Variants in LMX1B observed in about 807,000 individuals in gnomAD.
The protein encoded by LMX1B is LIM homeobox transcription factor 1-beta.
Under a neutral mutation model 51.4 loss-of-function variants are expected in LMX1B, and 12 were observed. The observed-to-expected ratio is 0.23, with a 90% CI of 0.15 to 0.38. The LOEUF is 0.38. LMX1B is among the 10% of genes least tolerant of loss of function. The pLI is 1.00. For missense variants in LMX1B, 445 were observed against 571.1 expected, an observed-to-expected ratio of 0.78 and a Z score of 2.25; for synonymous variants, 237 against 235.4, an observed-to-expected ratio of 1.01 and a Z score of -0.06.
chr9:126,672,562 C>T (rs975954976), intron 2 of LMX1B, among the ~76,000 whole-genome samples: 3 of 152,090 alleles, frequency 2.0e-5, no homozygotes, highest in African/African-American at 4.8e-5. Context: ...AAATTGGCTG[C>T]GAAGGGACAG....
rs372973403 is a variant in LMX1B, at chr9:126,671,392, G to A, written c.327-19444G>A. ...CCCTCCCCTCCCAGCAGCTGGGCCC[G>A]GGCTCAGCTGGGGCCCCTGGCCTGG... On this transcript the variant is annotated intron_variant, in intron 2 of 7. Transcript: ENST00000373474. This position sits in a 1 kb window ranked among gnomAD's most constrained non-coding sequence, Gnocchi z 4.4. Among the ~76,000 whole-genome samples the A allele has an allele frequency of 2.6e-5, 4 of 151,862 alleles. No homozygotes were observed. The East Asian group carries it at 5.9e-4, about 22-fold the overall frequency.
At chr9:126,678,312 A>AAAC (rs1836607223) in intron 2 of LMX1B, among the ~76,000 whole-genome samples, 1 of 144,984 alleles carries the variant, frequency 6.9e-6, no homozygotes, top group African/African-American at 2.8e-5. Context: ...TTCGTCTCAA[A>AAAC]AAAAAAAAAC....
Position 126,614,075 on chromosome 9 carries a change from T to G in LMX1B, c.-375T>G, listed in dbSNP as rs1484748539. On this transcript the variant is annotated 5_prime_UTR_variant, in exon 1 of 8. Transcript: ENST00000373474. ...CCCCCGCGGCCCGCGGGGCCGCCCC[T>G]GCACCCCCACCCCCTCCCCCGCCTG... 4.8e-5 allele frequency among the ~76,000 whole-genome samples: 1 copy of G among 20,682 alleles called. No homozygotes were observed. The highest frequency in any genetic ancestry group is 1.9e-4 in the African/African-American group (1 of 5,354). The allele number at this position is 20,682 out of a possible 152,430, so 13.6% of individuals were successfully genotyped here.
chr9:126,630,831 G>A (rs1013357149), intron 2 of LMX1B, among the ~76,000 whole-genome samples: 2 of 152,272 alleles, frequency 1.3e-5, no homozygotes, highest in African/African-American at 4.8e-5. Context: ...TCCATGCCAT[G>A]GATGGGAGCG....
At chr9:126,661,888 A>G (rs1436001825) in intron 2 of LMX1B, among the ~76,000 whole-genome samples, 1 of 152,192 alleles carries the variant, frequency 6.6e-6, no homozygotes, top group African/African-American at 2.4e-5. Context: ...AGCCGCCTCA[A>G]TCAGTCATCT....
intron 2 of LMX1B, among the ~76,000 whole-genome samples, chr9:126,688,416 G>T (rs1214512315): frequency 3.9e-5 from 6 of 152,218 alleles, no homozygotes; most frequent in African/African-American, 1.2e-4. Flanking sequence ...GCGCTCCCAC[G>T]CTAGCAGCGA....
intron 2 of LMX1B, among the ~76,000 whole-genome samples, chr9:126,627,161 G>A (rs1022908710): frequency 6.6e-6 from 1 of 152,158 alleles, no homozygotes; most frequent in African/African-American, 2.4e-5. Flanking sequence ...TGGCCTCTGA[G>A]TAGGGACCAG....
chr9:126,624,699 G>C (rs1426986046), intron 2 of LMX1B, among the ~76,000 whole-genome samples: 1 of 151,438 alleles, frequency 6.6e-6, no homozygotes, highest in Non-Finnish European at 1.5e-5. Flanking sequence ...TTGCAGGGGG[G>C]AAATGTGGTT....
In LMX1B at chr9:126,679,065, G is replaced by A. The variant is rs141678465; in HGVS notation, c.327-11771G>A. The stretch of plus-strand genomic sequence containing the variant: ...TGGTACCCTGGAGATCTGACACTCC[G>A]CTCGCATGGAATACCTGCTCTCCCA... On this transcript the variant is annotated intron_variant, in intron 2 of 7. Coordinates refer to ENST00000373474, the MANE Select transcript of LMX1B (RefSeq NM_001174147.2). Among the ~76,000 whole-genome samples, 468 of 152,214 alleles carry A rather than the reference G, an allele frequency of 3.1e-3. 2 individuals are homozygous for A. The highest frequency in any genetic ancestry group is 0.01 in the African/African-American group (418 of 41,490).
chr9:126,629,870 G>A (rs1356538406), intron 2 of LMX1B, among the ~76,000 whole-genome samples: 1 of 151,902 alleles, frequency 6.6e-6, no homozygotes, highest in Non-Finnish European at 1.5e-5. Flanking sequence ...GGTTGGCCGG[G>A]TGTGGTGGCT....
At chr9:126,635,165 G>A (rs760099368) in intron 2 of LMX1B, among the ~76,000 whole-genome samples, 14 of 152,174 alleles carry the variant, frequency 9.2e-5, no homozygotes, top group Admixed American at 6.5e-4. Flanking sequence ...AGGGCCACAC[G>A]GCTGGGGAGC....
chr9:126,682,014 C>T (rs966249634), intron 2 of LMX1B, among the ~76,000 whole-genome samples: 4 of 150,538 alleles, frequency 2.7e-5, no homozygotes, highest in East Asian at 1.9e-4. Flanking sequence ...GCTCTACCTG[C>T]ACCTTGTCCC....
At chr9:126,636,828 C>G (rs2118871840) in intron 2 of LMX1B, among the ~76,000 whole-genome samples, 1 of 152,306 alleles carries the variant, frequency 6.6e-6, no homozygotes, top group African/African-American at 2.4e-5. Flanking sequence ...CAGTTCAGAT[C>G]TCAGTGGGCA....
Position 126,625,023 on chromosome 9 carries a change from T to G in LMX1B, c.326+9454T>G, listed in dbSNP as rs1167429447. ...GATGGTGCTGAGTGACAGGGCTCTGTCGTTTAATCAGAGGCTGTGCCGCTC... is the reference window on the plus strand; with the variant it reads ...GATGGTGCTGAGTGACAGGGCTCTGGCGTTTAATCAGAGGCTGTGCCGCTC... On this transcript the variant is annotated intron_variant, in intron 2 of 7. Transcript: ENST00000373474. The surrounding 1 kb of genome is among the most constrained non-coding windows in gnomAD (Gnocchi z 5.3). Among the ~76,000 whole-genome samples, 1 of 152,242 alleles carries G rather than the reference T, an allele frequency of 6.6e-6. No individual in the cohort carries two copies. The highest frequency in any genetic ancestry group is 2.4e-5 in the African/African-American group (1 of 41,466).
rs1836343856 is a variant in LMX1B at position 126,666,503 on chromosome 9, G to A, written c.327-24333G>A. On this transcript the variant is annotated intron_variant, in intron 2 of 7. Transcript: ENST00000373474. Reference sequence around the variant, plus strand: ...AGGAAGGGAGAAAGAGGGTGGAAAAGTAAGTGAGGGCAAAGAAAGGAAATT... The same window carrying A: ...AGGAAGGGAGAAAGAGGGTGGAAAAATAAGTGAGGGCAAAGAAAGGAAATT... Among the ~76,000 whole-genome samples the A allele has an allele frequency of 3.3e-5, 5 of 152,202 alleles. No homozygotes were observed. The South Asian group carries it at 1.0e-3, about 31-fold the overall frequency.
At chr9:126,636,162 G>A (rs903578228) in intron 2 of LMX1B, among the ~76,000 whole-genome samples, 1 of 152,224 alleles carries the variant, frequency 6.6e-6, no homozygotes, top group African/African-American at 2.4e-5. Flanking sequence ...TATTTGCTGA[G>A]GCTGCTGTGT....
chr9:126,668,064 G>A (rs571781270), intron 2 of LMX1B, among the ~76,000 whole-genome samples: 1 of 152,158 alleles, frequency 6.6e-6, no homozygotes, highest in African/African-American at 2.4e-5. Flanking sequence ...TGAGAGGGGG[G>A]CAGGTTGAGG....
rs919566517 is a variant in LMX1B at position 126,626,857 on chromosome 9, C to T, written c.326+11288C>T. Among the ~76,000 whole-genome samples, 1 of 152,082 alleles carries T rather than the reference C, an allele frequency of 6.6e-6. No individual in the cohort carries two copies. The highest frequency in any genetic ancestry group is 1.5e-5 in the Non-Finnish European group (1 of 68,004). Reference sequence around the variant, plus strand: ...CATCAAACGGCCCGCGGGAACCGGCCGAGTTCAGAGGGACAGTGGGCCGAA... The same window carrying T: ...CATCAAACGGCCCGCGGGAACCGGCTGAGTTCAGAGGGACAGTGGGCCGAA... On this transcript the variant is annotated intron_variant, in intron 2 of 7. Coordinates refer to ENST00000373474, the MANE Select transcript of LMX1B (RefSeq NM_001174147.2). The surrounding 1 kb of genome is among the most constrained non-coding windows in gnomAD (Gnocchi z 4.3).
intron 2 of LMX1B, among the ~76,000 whole-genome samples, chr9:126,679,580 A>G (rs1009164453): frequency 2.0e-5 from 3 of 151,902 alleles, no homozygotes; most frequent in African/African-American, 7.3e-5. Context: ...GGATGCATGG[A>G]TGGATGGGTG....
Sources: allele counts gnomAD v4.1 joint callset (sites outside exome capture counted in the v4.1 genomes callset), GRCh38; gene constraint gnomAD v4.1.1; non-coding constraint Gnocchi (gnomAD v3.1); transcripts MANE v1.5; gene names NCBI Gene and HGNC (gene_info 2026-07-23, HGNC 2026-07-21).